ABCG2: variants seen among roughly 807,000 people sequenced by gnomAD.
ABCG2 encodes broad substrate specificity ATP-binding cassette transporter ABCG2.
In ABCG2, 80 loss-of-function variants were observed where a neutral mutation model predicts 73.5. The observed-to-expected ratio is 1.09, with a 90% CI of 0.91 to 1.31. ABCG2 has a LOEUF of 1.31. Ranked by LOEUF, ABCG2 falls within the 50% of genes most tolerant of loss-of-function variation. The pLI is 0.00. For missense variants in ABCG2, 796 were observed against 786.2 expected, an observed-to-expected ratio of 1.01 and a Z score of -0.15; for synonymous variants, 269 against 282.4, an observed-to-expected ratio of 0.95 and a Z score of 0.48.
intron 1 of ABCG2, among the ~76,000 whole-genome samples, chr4:88,209,999 T>G (rs1259997768): frequency 6.6e-6 from 1 of 152,188 alleles, no homozygotes; most frequent in African/African-American, 2.4e-5. Flanking sequence ...ACTCTTTGAA[T>G]GCATCTTAAA....
At chr4:88,137,978 G>A (rs1474438803) in intron 2 of ABCG2, among the ~76,000 whole-genome samples, 1 of 152,002 alleles carries the variant, frequency 6.6e-6, no homozygotes, top group African/African-American at 2.4e-5. Flanking sequence ...AACGTAGGAA[G>A]ACCCCATCTC....
At chr4:88,227,875 A>AT (rs1338460447) in intron 1 of ABCG2, among the ~76,000 whole-genome samples, 4 of 152,218 alleles carry the variant, frequency 2.6e-5, no homozygotes, top group African/African-American at 9.6e-5. Context: ...TCTTGAGAAG[A>AT]TGCCGAGGCC....
At position 88,098,312 on chromosome 4, in the gene ABCG2, T is replaced by C. The variant is rs1376423804; in HGVS notation, c.1493-705A>G. Among the ~76,000 whole-genome samples the C allele has an allele frequency of 2.6e-5, 4 of 152,054 alleles. No individual in the cohort carries two copies. In the East Asian group the frequency reaches 5.8e-4, roughly 22 times the overall value. ...TAGTTCTTATCTTGTAGTGTCAAAA[T>C]AGATATTTCCGGGGGTTTTGTGTGT... is the stretch of plus-strand genomic sequence containing the variant. On this transcript the variant is annotated intron_variant, in intron 12 of 15. Transcript: ENST00000237612.
At chr4:88,219,998 TCACTC>T (rs1729958597) in intron 1 of ABCG2, among the ~76,000 whole-genome samples, 1 of 152,174 alleles carries the variant, frequency 6.6e-6, no homozygotes, top group Non-Finnish European at 1.5e-5. Flanking sequence ...AAACAACTCT[TCACTC>T]CACCCTGTCC....
intron 9 of ABCG2, among the ~76,000 whole-genome samples, chr4:88,111,823 G>A (rs891610945): frequency 3.9e-5 from 6 of 152,168 alleles, no homozygotes; most frequent in African/African-American, 1.4e-4. Flanking sequence ...AGGCATGGTG[G>A]CTCACACCTG....
At chr4:88,114,413 G>C (rs1039098445) in intron 8 of ABCG2, among the ~76,000 whole-genome samples, 5 of 152,110 alleles carry the variant, frequency 3.3e-5, no homozygotes, top group African/African-American at 1.2e-4. Flanking sequence ...GATCACTTGA[G>C]GTCAGGAGTT....
At position 88,132,583 on chromosome 4, in the gene ABCG2, T is replaced by C; in HGVS notation, c.256A>G (p.Lys86Glu). 6.2e-7 allele frequency: 1 copy of C among 1,614,192 alleles called. No homozygotes were observed. Among genetic ancestry groups the C allele is most frequent in the African/African-American group, 1.3e-5 (1 of 75,044 alleles). ...ATACTCTCTTATACTCACGAAGATT[T>C]GCCTCCACCTGTGGGTCCCAGGATG... ...NAILGPTGGGKSSLLDVLAAR... is the reference protein window; with the variant it reads ...NAILGPTGGGESSLLDVLAAR... The change falls in exon 3 of 16, where the codon AAA becomes GAA. Residue 86 changes from lysine to glutamate, a missense_variant. By Grantham distance (56) the Lys-to-Glu change is moderately conservative. Coordinates refer to ENST00000237612, the MANE Select transcript of ABCG2 (RefSeq NM_004827.3).
rs1017857153 is a variant in ABCG2 at position 88,194,768 on chromosome 4, T to G, written c.-20+36226A>C. Among the ~76,000 whole-genome samples, 7 of 152,104 alleles carry G rather than the reference T, an allele frequency of 4.6e-5. 1 individual carries two copies. Among genetic ancestry groups the G allele is most frequent in the Middle Eastern group, 6.3e-3 (2 of 316 alleles). ...ACGAAGGCTGACACAGGAAAGCGCT[T>G]GGCATCTTGAAAAGATAGCAAGGTA... is the stretch of plus-strand genomic sequence containing the variant. On this transcript the variant is annotated intron_variant, in intron 1 of 15. Coordinates refer to the ABCG2 transcript ENST00000515655.
upstream of ABCG2, among the ~76,000 whole-genome samples, chr4:88,164,285 C>T (rs951961283): frequency 6.6e-5 from 10 of 152,076 alleles, no homozygotes; most frequent in Admixed American, 6.5e-4. Flanking sequence ...AGGCTGGTCT[C>T]GAACTCTTGA....
At chr4:88,202,383 T>TATATA (rs1316002025) in intron 1 of ABCG2, among the ~76,000 whole-genome samples, 32 of 130,006 alleles carry the variant, frequency 2.5e-4, no homozygotes, top group Non-Finnish European at 3.3e-4. Context: ...TATATGTATA[T>TATATA]TTTAATTAGC....
intron 12 of ABCG2, among the ~76,000 whole-genome samples, chr4:88,098,645 G>GAGACAGATAGAT (rs145841198): frequency 1.4e-5 from 2 of 143,814 alleles, no homozygotes; most frequent in Admixed American, 1.4e-4. Context: ...GAGACAGGGA[G>GAGACAGATAGAT]AGATAGATAG....
At chr4:88,167,138 CTGAAA>C (rs59749938) in intron 1 of ABCG2, among the ~76,000 whole-genome samples, 149,233 of 151,722 alleles carry the variant, frequency 0.98, 73,444 homozygotes, top group Middle Eastern at 1. Context: ...TGTCAGCCAG[CTGAAA>C]TGAACTCTTA....
chr4:88,116,077 C>T (rs890090592), intron 7 of ABCG2, among the ~76,000 whole-genome samples: 1 of 152,126 alleles, frequency 6.6e-6, no homozygotes, highest in African/African-American at 2.4e-5. Flanking sequence ...TGACTATAAT[C>T]CCAGCTACTA....
intron 1 of ABCG2, among the ~76,000 whole-genome samples, chr4:88,219,275 A>G (rs1364083724): frequency 1.3e-5 from 2 of 152,226 alleles, no homozygotes; most frequent in Admixed American, 6.5e-5. Context: ...AATAGCTACC[A>G]TGTGACAAAA....
chr4:88,188,059 A>C (rs1728537236), intron 1 of ABCG2, among the ~76,000 whole-genome samples: 1 of 152,230 alleles, frequency 6.6e-6, no homozygotes, highest in African/African-American at 2.4e-5. Context: ...AGCACTGCTA[A>C]ATCCAATGTC....
chr4:88,211,929 C>CA (rs1460661902), intron 1 of ABCG2, among the ~76,000 whole-genome samples: 1 of 152,166 alleles, frequency 6.6e-6, no homozygotes, highest in African/African-American at 2.4e-5. Context: ...TGATTGCAGT[C>CA]AAAAGCATTT....
intron 5 of ABCG2, among the ~76,000 whole-genome samples, chr4:88,122,482 G>C (rs45499402): frequency 0.093 from 14,125 of 152,160 alleles, 970 homozygotes; most frequent in East Asian, 0.31. Context: ...GAGCTTGGTG[G>C]GGGGAGGGGC....
chr4:88,186,159 C>G (rs1219139077), intron 1 of ABCG2, among the ~76,000 whole-genome samples: 1 of 152,180 alleles, frequency 6.6e-6, no homozygotes, highest in Non-Finnish European at 1.5e-5. Context: ...GCTACTTATA[C>G]ACAACAGAAT....
intron 1 of ABCG2, among the ~76,000 whole-genome samples, chr4:88,202,465 G>A (rs563216756): frequency 6.7e-6 from 1 of 149,270 alleles, no homozygotes; most frequent in Admixed American, 6.8e-5. Flanking sequence ...TAGGCTTGCA[G>A]ACACTTTGAA....
Sources: allele counts gnomAD v4.1 joint callset (sites outside exome capture counted in the v4.1 genomes callset), GRCh38; gene constraint gnomAD v4.1.1; transcripts MANE v1.5; gene names NCBI Gene and HGNC (gene_info 2026-07-23, HGNC 2026-07-21).